Variants in TBL1X observed in about 807,000 individuals in gnomAD.
The protein encoded by TBL1X is F-box-like/WD repeat-containing protein TBL1X.
Under a neutral mutation model 50.7 loss-of-function variants are expected in TBL1X, and 10 were observed. That is an observed-to-expected ratio of 0.20 (90% CI 0.12 to 0.33). The LOEUF (loss-of-function observed/expected upper bound fraction) is 0.33. Among genes scored for constraint, TBL1X ranks in the 10% least tolerant of loss-of-function variants. The pLI, the probability that TBL1X is intolerant of heterozygous loss-of-function variation, is 1.00. For synonymous variants in TBL1X, 190 were observed against 214.7 expected (o/e 0.88, Z 1.01); for missense variants, 340 against 504.4 (o/e 0.67, Z 3.12).
At chrX:9,509,081 G>GT (rs58775925) in intron 2 of TBL1X, among the ~76,000 whole-genome samples, 227 of 102,598 alleles carry the variant, frequency 2.2e-3, no homozygotes, top group African/African-American at 5.0e-3. Context: ...TGTTTTTTTT[G>GT]TTTTTTTTTT....
Position 9,560,774 on chromosome X carries a change from G to A in TBL1X, c.-131+58925G>A, listed in dbSNP as rs146875361. On this transcript the variant is annotated intron_variant, in intron 2 of 17. Coordinates refer to ENST00000645353, the MANE Select transcript of TBL1X (RefSeq NM_005647.4). The stretch of plus-strand genomic sequence containing the variant: ...AGATTGCGGGGCCATTCATGAAGGT[G>A]ATTTGCCGGGGCTTTTTACGGATGG... 5.7e-3 allele frequency among the ~76,000 whole-genome samples: 641 copies of A among 111,547 alleles called. 3 individuals carry two copies. The highest frequency in any genetic ancestry group is 0.026 in the South Asian group (68 of 2,651).
rs377660373 is a variant in TBL1X at position 9,575,841 on chromosome X, A to C, written c.-130-64432A>C. Among the ~76,000 whole-genome samples the C allele has an allele frequency of 9.2e-4, 103 of 111,587 alleles. 1 individual carries two copies. In the South Asian group the frequency reaches 0.017, roughly 18 times the overall value. On this transcript the variant is annotated intron_variant, in intron 2 of 17. Coordinates refer to ENST00000645353, the MANE Select transcript of TBL1X (RefSeq NM_005647.4). Reference sequence around the variant, plus strand: ...ATTATAATGCTGTGCAGAAACTCTTAAGCTATCATTCTTTTAGAAAATGAA... The same window carrying C: ...ATTATAATGCTGTGCAGAAACTCTTCAGCTATCATTCTTTTAGAAAATGAA...
In TBL1X at chrX:9,602,766, T is replaced by C. The variant is rs1295345648; in HGVS notation, c.-130-37507T>C. On this transcript the variant is annotated intron_variant, in intron 2 of 17. Transcript: ENST00000645353. ...ATTGAATTTTAACTCTTATGAGATA[T>C]GTGCTATTTAATAAATAATGAGTCT... 2.4e-4 allele frequency among the ~76,000 whole-genome samples: 27 copies of C among 112,559 alleles called. No homozygotes were observed. The Admixed American group carries it at 2.5e-3, about 11-fold the overall frequency.
chrX:9,631,446 A>G (rs1192634700), intron 2 of TBL1X, among the ~76,000 whole-genome samples: 1 of 112,414 alleles, frequency 8.9e-6, no homozygotes, highest in Non-Finnish European at 1.9e-5. Flanking sequence ...GCTTTTGCAT[A>G]AATTGCGGCT....
At chrX:9,469,221 G>C (rs2146921207) in intron 1 of TBL1X, among the ~76,000 whole-genome samples, 1 of 112,034 alleles carries the variant, frequency 8.9e-6, no homozygotes, top group Non-Finnish European at 1.9e-5. Flanking sequence ...CCAGGCTGGA[G>C]TGCAGTGGTG....
At chrX:9,563,097 A>G (rs960079626) in intron 2 of TBL1X, among the ~76,000 whole-genome samples, 7 of 112,933 alleles carry the variant, frequency 6.2e-5, no homozygotes, top group African/African-American at 2.3e-4. Context: ...TCCAGTATAC[A>G]GAAGCAGCGT....
At chrX:9,647,388 A>T (rs1314500369) in intron 3 of TBL1X, among the ~76,000 whole-genome samples, 1 of 111,920 alleles carries the variant, frequency 8.9e-6, no homozygotes, top group Admixed American at 9.5e-5. Flanking sequence ...CTTTAACCCA[A>T]AGTGGAAGGT....
intron 2 of TBL1X, among the ~76,000 whole-genome samples, chrX:9,582,896 G>A (rs777405487): frequency 8.9e-5 from 10 of 112,353 alleles, no homozygotes; most frequent in Non-Finnish European, 3.8e-5. Context: ...AGCGTGTCAC[G>A]AGCTTGTCTC....
intron 17 of TBL1X, among the ~76,000 whole-genome samples, chrX:9,715,735 G>A (rs922070519): frequency 5.4e-5 from 6 of 111,860 alleles, no homozygotes; most frequent in Non-Finnish European, 3.8e-5. Flanking sequence ...CGGGCCTCTG[G>A]TGGCCATCCT....
chrX:9,712,594 C>T (rs144665063), intron 16 of TBL1X, among the ~76,000 whole-genome samples: 1,986 of 112,383 alleles, frequency 0.018, 44 homozygotes, highest in African/African-American at 0.06. Flanking sequence ...ACTTTTGCCT[C>T]CCAAAGTGCT....
At chrX:9,555,472 T>C (rs2082292413) in intron 2 of TBL1X, among the ~76,000 whole-genome samples, 3 of 111,904 alleles carry the variant, frequency 2.7e-5, no homozygotes, top group African/African-American at 9.8e-5. Context: ...GCTCCCATGT[T>C]TTTTGCTGTT....
intron 2 of TBL1X, among the ~76,000 whole-genome samples, chrX:9,599,277 T>C (rs1028748662): frequency 1.8e-5 from 2 of 111,835 alleles, no homozygotes; most frequent in African/African-American, 6.5e-5. Context: ...TCCAGTCACA[T>C]TGGCTTAGAG....
chrX:9,486,856 G>A (rs5934634), intron 1 of TBL1X, among the ~76,000 whole-genome samples: 5,140 of 111,064 alleles, frequency 0.046, 124 homozygotes, highest in Middle Eastern at 0.069. Context: ...AATTACTGTG[G>A]ACTCTTTGTT....
intron 1 of TBL1X, among the ~76,000 whole-genome samples, chrX:9,489,973 ATTAC>A (rs1420436178): frequency 3.6e-5 from 4 of 110,623 alleles, no homozygotes; most frequent in Non-Finnish European, 7.6e-5. Context: ...TCTTTTTATT[ATTAC>A]TTTATTTTTG....
intron 2 of TBL1X, among the ~76,000 whole-genome samples, chrX:9,551,306 C>T (rs1311888728): frequency 1.8e-5 from 2 of 108,788 alleles, no homozygotes; most frequent in Admixed American, 2.0e-4. Context: ...AGGAATGGTG[C>T]CGCCTGGTCA....
chrX:9,474,400 ATGTGTGCGTTTGCACGCACATG>A (rs1184346221), intron 1 of TBL1X, among the ~76,000 whole-genome samples: 9 of 113,276 alleles, frequency 7.9e-5, no homozygotes, highest in African/African-American at 1.3e-4. Context: ...CTACTAAGGT[ATGTGTGCGTTTGCACGCACATG>A]TATGTGCGTT....
intron 2 of TBL1X, among the ~76,000 whole-genome samples, chrX:9,533,977 G>A (rs1274613842): frequency 9.0e-6 from 1 of 111,667 alleles, no homozygotes; most frequent in African/African-American, 3.3e-5. Context: ...GCCGTGCCCA[G>A]TGCTTGGGCA....
intron 2 of TBL1X, among the ~76,000 whole-genome samples, chrX:9,635,015 G>A (rs964238744): frequency 5.4e-5 from 6 of 111,168 alleles, no homozygotes; most frequent in Non-Finnish European, 9.4e-5. Context: ...GGGGTCTTTC[G>A]AGGCTGCAGG....
chrX:9,566,021 A>G (rs1018033041), intron 2 of TBL1X, among the ~76,000 whole-genome samples: 1 of 112,482 alleles, frequency 8.9e-6, no homozygotes, highest in South Asian at 3.7e-4. Flanking sequence ...AAAATTTTGT[A>G]CATGTATTAC....
Sources: allele counts gnomAD v4.1 joint callset (sites outside exome capture counted in the v4.1 genomes callset), GRCh38; gene constraint gnomAD v4.1.1; transcripts MANE v1.5; gene names NCBI Gene and HGNC (gene_info 2026-07-23, HGNC 2026-07-21).